RASGRP3: variants seen among roughly 807,000 people sequenced by gnomAD.
The protein encoded by RASGRP3 is RAS guanyl releasing protein 3.
Under a neutral mutation model 82.7 loss-of-function variants are expected in RASGRP3, and 54 were observed. That is an observed-to-expected ratio of 0.65 (90% CI 0.52 to 0.82). The LOEUF is 0.82. Among genes scored for constraint, RASGRP3 ranks in the 40% least tolerant of loss-of-function variants. The probability of loss-of-function intolerance (pLI) is 0.00; values close to 1 mark genes in which losing one functional copy is unlikely to be tolerated. For missense variants in RASGRP3, 861 were observed against 828.9 expected, an observed-to-expected ratio of 1.04 and a Z score of -0.48; for synonymous variants, 309 against 300.5, an observed-to-expected ratio of 1.03 and a Z score of -0.29.
intron 1 of RASGRP3, among the ~76,000 whole-genome samples, chr2:33,499,338 G>A (rs543701187): frequency 6.6e-6 from 1 of 152,078 alleles, no homozygotes; most frequent in Admixed American, 6.5e-5. Flanking sequence ...TGGGTGGATC[G>A]CCTGAGCTCA....
chr2:33,486,366 C>T (rs1271721134), intron 1 of RASGRP3, among the ~76,000 whole-genome samples: 1 of 152,006 alleles, frequency 6.6e-6, no homozygotes, highest in African/African-American at 2.4e-5. Flanking sequence ...TGGGGTTTTG[C>T]CATATTGGCC....
At chr2:33,517,069 A>T (rs1410612608) in intron 4 of RASGRP3, among the ~76,000 whole-genome samples, 7 of 152,246 alleles carry the variant, frequency 4.6e-5, no homozygotes, top group Non-Finnish European at 1.0e-4. Context: ...TTGGGCACAA[A>T]CATCAATTTA....
In RASGRP3 at chr2:33,450,164, A is replaced by T. The variant is rs555057356; in HGVS notation, c.-261+2221A>T. Among the ~76,000 whole-genome samples the T allele has an allele frequency of 3.3e-5, 5 of 152,344 alleles. No individual in the cohort carries two copies. In the South Asian group the frequency reaches 1.0e-3, roughly 32 times the overall value. ...TTATGATGTAAAACATGATGTTTTGATATATGTATACATTACAAAAAGATC... is the reference window on the plus strand; with the variant it reads ...TTATGATGTAAAACATGATGTTTTGTTATATGTATACATTACAAAAAGATC... On this transcript the variant is annotated intron_variant, in intron 2 of 18. Transcript: ENST00000402538.
chr2:33,539,141 G>A lies in RASGRP3; in HGVS notation c.1209G>A (p.Glu403=), dbSNP rs765210280. Residue 403 remains glutamate (E), a synonymous_variant, in exon 12 of 18, where the codon GAG becomes GAA. Coordinates refer to ENST00000403687, the MANE Select transcript of RASGRP3 (RefSeq NM_001139488.2). ...CCAACAAGCCTGTGGTACCCCTGGA[G>A]TGGGCATTAGGGGTGATGCCAAAGC... ...TTPNKPVVPL[E]WALGVMPKPD... 3 of 1,612,118 alleles carry A rather than the reference G, an allele frequency of 1.9e-6. No homozygotes were observed. The highest frequency in any genetic ancestry group is 3.3e-5 in the Admixed American group (2 of 59,762).
chr2:33,454,746 A>C (rs1180449381), intron 2 of RASGRP3, among the ~76,000 whole-genome samples: 1 of 152,220 alleles, frequency 6.6e-6, no homozygotes, highest in Non-Finnish European at 1.5e-5. Context: ...CTAAAGGCAG[A>C]CATATTACAC....
intron 1 of RASGRP3, among the ~76,000 whole-genome samples, chr2:33,504,646 C>T (rs1200079199): frequency 2.0e-5 from 3 of 152,272 alleles, no homozygotes; most frequent in East Asian, 3.9e-4. Context: ...AGTCAGCTTC[C>T]ACTCCCAGCC....
chr2:33,443,242 A>G (rs1278949443), intron 1 of RASGRP3, among the ~76,000 whole-genome samples: 1 of 152,240 alleles, frequency 6.6e-6, no homozygotes, highest in Non-Finnish European at 1.5e-5. Flanking sequence ...AAAACAACAA[A>G]AACTCAAAAC....
chr2:33,516,710 C>A, intron 4 of RASGRP3, 66 bp downstream of exon 4: 1 of 1,086,734 alleles, frequency 9.2e-7, no homozygotes, highest in Non-Finnish European at 1.4e-6. Flanking sequence ...GATAGAGTGT[C>A]TATCCAAAGC....
chr2:33,509,610 T>C (rs1011246222), intron 1 of RASGRP3, among the ~76,000 whole-genome samples: 1 of 152,208 alleles, frequency 6.6e-6, no homozygotes, highest in Admixed American at 6.5e-5. Context: ...TTCATCTTCA[T>C]TACTAAGCTA....
intron 4 of RASGRP3, among the ~76,000 whole-genome samples, chr2:33,518,966 T>A (rs1671733974): frequency 6.6e-6 from 1 of 152,212 alleles, no homozygotes; most frequent in Non-Finnish European, 1.5e-5. Context: ...TTTTAATTTT[T>A]TAAGTAAAAG....
chr2:33,451,621 G>C (rs965606904), intron 2 of RASGRP3, among the ~76,000 whole-genome samples: 1 of 151,796 alleles, frequency 6.6e-6, no homozygotes, highest in African/African-American at 2.4e-5. Flanking sequence ...GTAACGTAAG[G>C]GTTCGATTTC....
intron 2 of RASGRP3, among the ~76,000 whole-genome samples, chr2:33,461,352 T>G (rs1303263858): frequency 6.6e-6 from 1 of 152,200 alleles, no homozygotes; most frequent in Non-Finnish European, 1.5e-5. Context: ...GATCTCTATT[T>G]ACTGCAGCCT....
intron 9 of RASGRP3, among the ~76,000 whole-genome samples, chr2:33,526,360 T>A (rs1197139207): frequency 1.3e-5 from 2 of 152,216 alleles, no homozygotes; most frequent in African/African-American, 4.8e-5. Flanking sequence ...AACGATAACT[T>A]GTCCATATAA....
At chr2:33,443,802 G>A (rs1665359567) in intron 1 of RASGRP3, among the ~76,000 whole-genome samples, 1 of 150,698 alleles carries the variant, frequency 6.6e-6, no homozygotes, top group African/African-American at 2.4e-5. Flanking sequence ...CATTGTTTGA[G>A]CCCAGTTGTT....
chr2:33,452,414 G>A (rs996143158), intron 2 of RASGRP3, among the ~76,000 whole-genome samples: 1 of 152,224 alleles, frequency 6.6e-6, no homozygotes, highest in Non-Finnish European at 1.5e-5. Flanking sequence ...GTTGTTTGGT[G>A]GAATCTGAGG....
intron 11 of RASGRP3, among the ~76,000 whole-genome samples, 194 bp from the exon 12 acceptor site, chr2:33,538,900 G>A (rs1447784239): frequency 3.3e-5 from 5 of 152,056 alleles, no homozygotes; most frequent in South Asian, 2.1e-4. Flanking sequence ...TTAGCTGGGC[G>A]TGGTGGCACA....
At chr2:33,546,865 G>A (rs988321857) in intron 13 of RASGRP3, among the ~76,000 whole-genome samples, 8 of 151,878 alleles carry the variant, frequency 5.3e-5, no homozygotes, top group South Asian at 2.1e-4. Flanking sequence ...TCGGGAGCTC[G>A]AGACCAGTCT....
intron 2 of RASGRP3, among the ~76,000 whole-genome samples, chr2:33,464,307 T>A (rs1343640685): frequency 6.7e-6 from 1 of 149,444 alleles, no homozygotes; most frequent in Non-Finnish European, 1.5e-5. Context: ...TTTAGTAGAG[T>A]CGGGGTCTTA....
At chr2:33,484,470 A>G (rs550878544) in intron 1 of RASGRP3, among the ~76,000 whole-genome samples, 1 of 152,318 alleles carries the variant, frequency 6.6e-6, no homozygotes, top group South Asian at 2.1e-4. Context: ...AGTAGAAAGT[A>G]TTCCACTTAT....
Sources: gnomAD v4.1 joint callset for allele counts (sites outside exome capture counted in the v4.1 genomes callset) on GRCh38, gnomAD v4.1.1 for gene constraint, MANE v1.5 for transcripts, NCBI Gene and HGNC (gene_info 2026-07-23, HGNC 2026-07-21) for gene names.